USP7: variants seen among roughly 807,000 people sequenced by gnomAD.
USP7 encodes ubiquitin C-terminal hydrolase 7.
USP7 carries 9 observed loss-of-function variants against 162.9 expected under a neutral mutation model. That is an observed-to-expected ratio of 0.06 (90% CI 0.03 to 0.10). The LOEUF (loss-of-function observed/expected upper bound fraction) is 0.10, where lower values mean the gene tolerates loss of function less well. Among genes scored for constraint, USP7 ranks in the 10% least tolerant of loss-of-function variants. The pLI is 1.00. For missense variants in USP7, 715 were observed against 1,373.7 expected, an observed-to-expected ratio of 0.52 and a Z score of 7.58; for synonymous variants, 562 against 475.9, an observed-to-expected ratio of 1.18 and a Z score of -2.35.
At chr16:8,910,477 T>C (rs1379620131) in intron 11 of USP7, among the ~76,000 whole-genome samples, 3 of 152,078 alleles carry the variant, frequency 2.0e-5, no homozygotes, top group African/African-American at 7.2e-5. Context: ...ACCAGTAAGG[T>C]GAGGAACGGG....
chr16:8,955,058 A>G (rs897834326), intron 1 of USP7, among the ~76,000 whole-genome samples: 3 of 152,270 alleles, frequency 2.0e-5, no homozygotes, highest in Non-Finnish European at 4.4e-5. Context: ...TGTGTGGACC[A>G]GTCACTATTA....
chr16:8,899,804 G>A (rs373696932), intron 21 of USP7, 47 bp from the exon 22 acceptor site: 1 of 1,607,512 alleles, frequency 6.2e-7, no homozygotes, highest in South Asian at 1.1e-5. Flanking sequence ...TCCATGGCAG[G>A]GGGTAGCTGG....
Position 8,899,205 on chromosome 16 carries a change from A to T in USP7, c.2464-17T>A, listed in dbSNP as rs2061736444. 1.9e-6 allele frequency: 3 copies of T among 1,613,138 alleles called. No homozygotes were observed. Among genetic ancestry groups the T allele is most frequent in the African/African-American group, 1.3e-5 (1 of 74,918 alleles). On this transcript the variant is annotated splice_polypyrimidine_tract_variant and intron_variant, in intron 22 of 30. Transcript: ENST00000344836. The stretch of plus-strand genomic sequence containing the variant: ...CTTTGCAACCTAAGACACAGAAAGG[A>T]AGGTTCACATTTTGGGGAAAAATTG...
chr16:8,894,218 G>T, intron 30 of USP7, 114 bp from the exon 31 acceptor site: 1 of 990,602 alleles, frequency 1.0e-6, no homozygotes, highest in Non-Finnish European at 1.6e-6. Context: ...TAAGTTCGCA[G>T]GGAAGCCAGG....
chr16:8,901,254 G>A lies in USP7; in HGVS notation c.2048-20C>T. On this transcript the variant is annotated intron_variant, in intron 18 of 30. Transcript: ENST00000344836. ...CATCATCTACAAGGTTAATAAACAAGTTTTGTTAAGATCCAAACACTCAGC... is the reference window on the plus strand; with the variant it reads ...CATCATCTACAAGGTTAATAAACAAATTTTGTTAAGATCCAAACACTCAGC... 1 of 1,553,960 alleles carries A rather than the reference G, an allele frequency of 6.4e-7. No individual in the cohort carries two copies. Among genetic ancestry groups the A allele is most frequent in the Non-Finnish European group, 8.9e-7 (1 of 1,126,948 alleles).
At chr16:8,951,995 A>G (rs1339310374) in intron 1 of USP7, among the ~76,000 whole-genome samples, 1 of 152,220 alleles carries the variant, frequency 6.6e-6, no homozygotes, top group Non-Finnish European at 1.5e-5. Flanking sequence ...CAGACTGGGA[A>G]GCCCAACTGC....
chr16:8,956,613 A>C (rs1899813618), intron 1 of USP7, among the ~76,000 whole-genome samples: 1 of 151,972 alleles, frequency 6.6e-6, no homozygotes, highest in Admixed American at 6.6e-5. Context: ...AAAATATAAA[A>C]ATTAGCCGGG....
At position 8,904,550 on chromosome 16, in the gene USP7, G is replaced by A. The variant is rs763719614; in HGVS notation, c.1589C>T (p.Ala530Val). 1.5e-5 allele frequency: 25 copies of A among 1,613,830 alleles called. No homozygotes were observed. The highest frequency in any genetic ancestry group is 8.8e-5 in the South Asian group (8 of 91,088). The change falls in exon 15 of 31, where the codon GCG (alanine) becomes GTG (valine). Residue 530 changes from alanine (A) to valine (V), a missense_variant. Ala to Val is a moderately conservative substitution (Grantham distance 64, BLOSUM62 0). Coordinates refer to ENST00000344836, the MANE Select transcript of USP7 (RefSeq NM_003470.3). The stretch of plus-strand genomic sequence containing the variant: ...CTGAGGAATATCATGGTCGGTGACC[G>A]CCTGTAAAACTTCACCTGCAGGACA... ...RESKLSEVLQ[A>V]VTDHDIPQQL...
chr16:8,906,625 C>T (rs1349832226), intron 12 of USP7, 43 bp from the exon 13 acceptor site: 3 of 1,569,048 alleles, frequency 1.9e-6, no homozygotes, highest in South Asian at 1.2e-5. Flanking sequence ...TTAATTTACA[C>T]AAAAAATATC....
chr16:8,898,843 A>G, intron 23 of USP7: 2 of 612,386 alleles, frequency 3.3e-6, no homozygotes, highest in Non-Finnish European at 2.8e-6. Flanking sequence ...AATAGTGACA[A>G]AACACACAGC....
intron 25 of USP7, among the ~76,000 whole-genome samples, chr16:8,897,643 C>T (rs1446435409): frequency 7.4e-6 from 1 of 134,930 alleles, no homozygotes; most frequent in African/African-American, 2.9e-5. Flanking sequence ...CAGAAGGATG[C>T]TTGAGCCCAG....
intron 2 of USP7, among the ~76,000 whole-genome samples, chr16:8,928,833 G>A (rs1459897415): frequency 6.6e-6 from 1 of 152,094 alleles, no homozygotes; most frequent in Non-Finnish European, 1.5e-5. Flanking sequence ...AAAAGGAAGG[G>A]GACTTTACCC....
At position 8,908,409 on chromosome 16, in the gene USP7, C is replaced by T; in HGVS notation, c.1203G>A (p.Val401=). 1 of 1,612,716 alleles carries T rather than the reference C, an allele frequency of 6.2e-7. No homozygotes were observed. The highest frequency in any genetic ancestry group is 1.3e-5 in the African/African-American group (1 of 74,964). ...TAAATCTCATCAGTTGTAGATGTAA[C>T]ACTGGTGGCAATGTTAGGAATTTCA... The part of the protein sequence containing the change: ...KGVKFLTLPP[V]LHLQLMRFMY... The change falls in exon 12 of 31, where the codon GTG becomes GTA. Residue 401 remains valine, a synonymous_variant. Coordinates refer to ENST00000344836, the MANE Select transcript of USP7 (RefSeq NM_003470.3).
rs1421143502 is a variant in USP7 at position 8,893,692 on chromosome 16, T to C, written c.*306A>G. 2 of 334,162 alleles carry C rather than the reference T, an allele frequency of 6.0e-6. No homozygotes were observed. The highest frequency in any genetic ancestry group is 3.9e-5 in the Admixed American group (1 of 25,408). The allele number at this position is 334,162 out of a possible 1,614,324, so 20.7% of individuals were successfully genotyped here. On this transcript the variant is annotated 3_prime_UTR_variant, in exon 31 of 31. Coordinates refer to ENST00000344836, the MANE Select transcript of USP7 (RefSeq NM_003470.3). Reference sequence around the variant, plus strand: ...CCCACTAGGGACAGCCCAGAGACCTTGAGCCAGGGACCCCCGATCCACTAA... The same window carrying C: ...CCCACTAGGGACAGCCCAGAGACCTCGAGCCAGGGACCCCCGATCCACTAA...
intron 15 of USP7, among the ~76,000 whole-genome samples, 156 bp downstream of exon 15, chr16:8,904,279 G>A (rs1036649586): frequency 6.6e-6 from 1 of 152,206 alleles, no homozygotes; most frequent in African/African-American, 2.4e-5. Flanking sequence ...GGGTCCCAGA[G>A]GAGTGGGGAC....
intron 11 of USP7, among the ~76,000 whole-genome samples, chr16:8,909,219 G>T (rs1000237539): frequency 2.0e-5 from 3 of 152,142 alleles, no homozygotes; most frequent in Non-Finnish European, 2.9e-5. Flanking sequence ...CTCGACCACG[G>T]CCAGGCGGTC....
chr16:8,942,299 G>A (rs1181012718), intron 1 of USP7, among the ~76,000 whole-genome samples: 9 of 152,190 alleles, frequency 5.9e-5, no homozygotes, highest in African/African-American at 1.9e-4. Flanking sequence ...AGAGTCTGTC[G>A]GACCTGAGAC....
chr16:8,946,516 A>G (rs995337959), intron 1 of USP7, among the ~76,000 whole-genome samples: 1 of 152,254 alleles, frequency 6.6e-6, no homozygotes. Flanking sequence ...CCAGCAGAAA[A>G]TATCTGCAAA....
In USP7 at chr16:8,951,563, G is replaced by A. The variant is rs148276169; in HGVS notation, c.79+11644C>T. Among the ~76,000 whole-genome samples the A allele has an allele frequency of 1.6e-3, 237 of 152,302 alleles. 1 individual carries two copies. The highest frequency in any genetic ancestry group is 5.5e-3 in the African/African-American group (229 of 41,578). ...CTATTTGCTCATCTGTAAATGCAGAGGGCTTGTGGGCATGAGGATGACTGA... is the reference window on the plus strand; with the variant it reads ...CTATTTGCTCATCTGTAAATGCAGAAGGCTTGTGGGCATGAGGATGACTGA... On this transcript the variant is annotated intron_variant, in intron 1 of 30. Transcript: ENST00000344836.
Sources: allele counts gnomAD v4.1 joint callset (sites outside exome capture counted in the v4.1 genomes callset), GRCh38; gene constraint gnomAD v4.1.1; transcripts MANE v1.5; gene names NCBI Gene and HGNC (gene_info 2026-07-23, HGNC 2026-07-21).